CADM2: variants seen among roughly 807,000 people sequenced by gnomAD.
The protein encoded by CADM2 is immunoglobulin superfamily member 4D.
A neutral mutation model predicts 49.8 loss-of-function variants in CADM2; 12 were observed. The ratio of observed to expected loss-of-function variants is 0.24; its 90% CI spans 0.15 to 0.39. The LOEUF is 0.39. Ranked by LOEUF, CADM2 falls within the 10% of genes least tolerant of loss-of-function variation. The pLI is 1.00. For missense variants in CADM2, 378 were observed against 492.3 expected (o/e 0.77, Z 2.20); for synonymous variants, 214 against 175.4 (o/e 1.22, Z -1.74).
Position 85,168,334 on chromosome 3 carries a change from C to T in CADM2, c.61+208666C>T, listed in dbSNP as rs189523278. ...CCTCCCAAAGTGCTGTGATTACAGG[C>T]ATGAGCTACCATGCCCGGCCCCTTA... On this transcript the variant is annotated intron_variant, in intron 1 of 9. Transcript: ENST00000383699. Among the ~76,000 whole-genome samples the T allele has an allele frequency of 2.6e-5, 4 of 152,238 alleles. No individual in the cohort carries two copies. In the East Asian group the frequency reaches 7.8e-4, roughly 30 times the overall value.
chr3:86,058,002 C>G lies in CADM2; in HGVS notation c.971-7603C>G, dbSNP rs149814677. On this transcript the variant is annotated intron_variant, in intron 8 of 9. Coordinates refer to ENST00000383699, the MANE Select transcript of CADM2 (RefSeq NM_001167675.2). The stretch of plus-strand genomic sequence containing the variant: ...CAAAACTAGTTTAAGCAAGCTGTTT[C>G]GAGATAACTATGATTTTTCTGAGTA... Among the ~76,000 whole-genome samples, 814 of 152,152 alleles carry G rather than the reference C, an allele frequency of 5.3e-3. 10 individuals carry two copies. Among genetic ancestry groups the G allele is most frequent in the African/African-American group, 0.019 (777 of 41,520 alleles).
intron 8 of CADM2, among the ~76,000 whole-genome samples, chr3:85,991,814 T>G (rs1047729745): frequency 6.6e-6 from 1 of 152,106 alleles, no homozygotes; most frequent in Non-Finnish European, 1.5e-5. Flanking sequence ...ATTTTCGTGT[T>G]AAAATATATT....
At chr3:85,092,540 G>C (rs1308593983) in intron 1 of CADM2, among the ~76,000 whole-genome samples, 3 of 152,084 alleles carry the variant, frequency 2.0e-5, no homozygotes, top group African/African-American at 7.2e-5. Context: ...AATAAATATG[G>C]ATGAATAAAT....
At chr3:84,997,449 C>G (rs1436512825) in intron 1 of CADM2, among the ~76,000 whole-genome samples, 2 of 151,846 alleles carry the variant, frequency 1.3e-5, no homozygotes, top group African/African-American at 4.8e-5. Flanking sequence ...ATTTGAAAGC[C>G]AGGGTATTTA....
chr3:85,765,587 G>A (rs558332021), intron 2 of CADM2, among the ~76,000 whole-genome samples: 57 of 151,902 alleles, frequency 3.8e-4, no homozygotes, highest in African/African-American at 1.3e-3. Flanking sequence ...CTTTATATGG[G>A]TTCTAATATC....
At chr3:85,227,044 A>G (rs2042178152) in intron 1 of CADM2, among the ~76,000 whole-genome samples, 1 of 152,022 alleles carries the variant, frequency 6.6e-6, no homozygotes, top group Non-Finnish European at 1.5e-5. Context: ...TTTACTTCCA[A>G]TATGTGGTCA....
At chr3:85,111,983 A>G (rs1372061442) in intron 1 of CADM2, among the ~76,000 whole-genome samples, 1 of 151,906 alleles carries the variant, frequency 6.6e-6, no homozygotes, top group Non-Finnish European at 1.5e-5. Flanking sequence ...TAGAGCACCT[A>G]TCTAAAAAAT....
At chr3:85,811,588 A>T (rs969893528) in intron 3 of CADM2, among the ~76,000 whole-genome samples, 1 of 152,174 alleles carries the variant, frequency 6.6e-6, no homozygotes, top group Admixed American at 6.5e-5. Context: ...ATTATCTTTT[A>T]ATCATGTGTG....
At chr3:85,657,404 A>C (rs9840636) in intron 1 of CADM2, among the ~76,000 whole-genome samples, 26,719 of 152,014 alleles carry the variant, frequency 0.18, 2,947 homozygotes, top group Non-Finnish European at 0.24. Context: ...AGTAAATGTT[A>C]GTTCTCATAA....
intron 1 of CADM2, among the ~76,000 whole-genome samples, chr3:85,000,854 C>A (rs1189040472): frequency 6.6e-6 from 1 of 151,934 alleles, no homozygotes; most frequent in East Asian, 1.9e-4. Flanking sequence ...TATAATATAA[C>A]TTGATACTCA....
intron 1 of CADM2, among the ~76,000 whole-genome samples, chr3:85,352,497 C>T (rs1272843495): frequency 2.6e-5 from 4 of 151,984 alleles, no homozygotes; most frequent in Non-Finnish European, 5.9e-5. Context: ...ATTTTGATTG[C>T]AAATTAGGGA....
chr3:85,767,216 G>A (rs187123614), intron 2 of CADM2, among the ~76,000 whole-genome samples: 240 of 152,074 alleles, frequency 1.6e-3, no homozygotes, highest in Non-Finnish European at 2.3e-3. Flanking sequence ...ATATATTACC[G>A]GGTTTACCAT....
intron 2 of CADM2, among the ~76,000 whole-genome samples, chr3:85,730,556 A>T (rs2107794285): frequency 6.6e-6 from 1 of 152,316 alleles, no homozygotes; most frequent in African/African-American, 2.4e-5. Flanking sequence ...AACATGCTAC[A>T]TTTGATATAC....
chr3:85,552,022 A>T (rs1457445386), intron 1 of CADM2, among the ~76,000 whole-genome samples: 1 of 152,276 alleles, frequency 6.6e-6, no homozygotes, highest in East Asian at 1.9e-4. Context: ...GATCCTTCTT[A>T]AAATATAAAA....
chr3:85,659,388 C>G (rs2107605428), intron 1 of CADM2, among the ~76,000 whole-genome samples: 1 of 151,626 alleles, frequency 6.6e-6, no homozygotes, highest in East Asian at 1.9e-4. Flanking sequence ...ATCTTTTTAT[C>G]CCTTATATCA....
intron 1 of CADM2, among the ~76,000 whole-genome samples, chr3:85,104,586 G>C (rs989511901): frequency 1.3e-5 from 2 of 152,092 alleles, no homozygotes; most frequent in African/African-American, 4.8e-5. Flanking sequence ...CTTTAAAGTA[G>C]TTTTTTCCAA....
At chr3:85,408,758 G>A (rs1188166424) in intron 1 of CADM2, among the ~76,000 whole-genome samples, 1 of 152,118 alleles carries the variant, frequency 6.6e-6, no homozygotes, top group Non-Finnish European at 1.5e-5. Flanking sequence ...ATCTGAAGGA[G>A]CAAACATATT....
chr3:85,078,671 A>ATTCT (rs1238673465), intron 1 of CADM2, among the ~76,000 whole-genome samples: 26 of 151,484 alleles, frequency 1.7e-4, no homozygotes, highest in African/African-American at 5.3e-4. Context: ...GAAATGCCCC[A>ATTCT]TTCTTTCTTT....
chr3:85,961,682 G>A (rs923884689), intron 8 of CADM2, 35 bp downstream of exon 8: 1 of 1,436,902 alleles, frequency 7.0e-7, no homozygotes. Context: ...TATGTGAAAG[G>A]ATGCATAACT....
Sources: allele counts gnomAD v4.1 joint callset (sites outside exome capture counted in the v4.1 genomes callset), GRCh38; gene constraint gnomAD v4.1.1; transcripts MANE v1.5; gene names NCBI Gene and HGNC (gene_info 2026-07-23, HGNC 2026-07-21).